Variants in NBEA observed in about 807,000 individuals in gnomAD.
The protein encoded by NBEA is neurobeachin.
In NBEA, 44 loss-of-function variants were observed where a neutral mutation model predicts 343.4. The ratio of observed to expected loss-of-function variants is 0.13; its 90% CI spans 0.10 to 0.16. NBEA has a LOEUF of 0.16. Ranked by LOEUF, NBEA falls within the 10% of genes least tolerant of loss-of-function variation. The pLI is 1.00. For missense variants in NBEA, 2,555 were observed against 3,631.3 expected (o/e 0.70, Z 7.62); for synonymous variants, 1,175 against 1,238.7 (o/e 0.95, Z 1.08).
At chr13:35,227,167 G>A (rs7325188) in intron 33 of NBEA, among the ~76,000 whole-genome samples, 7,574 of 151,500 alleles carry the variant, frequency 0.05, 226 homozygotes, top group South Asian at 0.079. Flanking sequence ...CATGTTTTCC[G>A]TAGCGGCCAC....
chr13:35,271,896 T>A (rs1488219681), intron 34 of NBEA, among the ~76,000 whole-genome samples: 1 of 152,128 alleles, frequency 6.6e-6, no homozygotes, highest in Non-Finnish European at 1.5e-5. Flanking sequence ...TATGTGAAAG[T>A]GACAGAAAGA....
intron 41 of NBEA, chr13:35,475,538 C>T (rs1170411759): frequency 1.9e-6 from 3 of 1,613,136 alleles, no homozygotes; most frequent in Middle Eastern, 1.6e-4. Context: ...TTGACCTCCG[C>T]CACCCGGTTG....
chr13:35,008,850 C>G (rs2061398503), intron 1 of NBEA, among the ~76,000 whole-genome samples: 2 of 152,090 alleles, frequency 1.3e-5, no homozygotes, highest in Admixed American at 6.6e-5. Flanking sequence ...TGCAACAATT[C>G]TTGGAAGTCT....
At chr13:35,463,881 T>A (rs1038845866) in intron 40 of NBEA, among the ~76,000 whole-genome samples, 1 of 151,354 alleles carries the variant, frequency 6.6e-6, no homozygotes, top group Non-Finnish European at 1.5e-5. Flanking sequence ...ATAGAGGGGG[T>A]AACTACCTCA....
At chr13:35,293,737 T>C (rs2035943231) in intron 35 of NBEA, among the ~76,000 whole-genome samples, 1 of 152,022 alleles carries the variant, frequency 6.6e-6, no homozygotes, top group Non-Finnish European at 1.5e-5. Context: ...TTAGGTGCTA[T>C]AATAGTTCCT....
chr13:35,113,585 T>TCATCTATCTATC (rs1566305487), intron 13 of NBEA, among the ~76,000 whole-genome samples: 1 of 99,714 alleles, frequency 1.0e-5, no homozygotes, highest in Non-Finnish European at 2.1e-5. Flanking sequence ...ACTCCTCCAC[T>TCATCTATCTATC]CATCTATCTA....
chr13:35,325,034 T>A (rs550908822), intron 36 of NBEA, among the ~76,000 whole-genome samples: 31 of 152,274 alleles, frequency 2.0e-4, no homozygotes, highest in African/African-American at 7.2e-4. Flanking sequence ...ATTTAAATAG[T>A]CAAAGTTTTC....
chr13:35,427,068 A>T (rs562758082), intron 38 of NBEA, among the ~76,000 whole-genome samples: 1 of 151,952 alleles, frequency 6.6e-6, no homozygotes. Context: ...CTTCTTTGCT[A>T]TTGGTTAGAA....
intron 1 of NBEA, among the ~76,000 whole-genome samples, chr13:34,945,212 G>T (rs2059151948): frequency 6.6e-6 from 1 of 152,134 alleles, no homozygotes; most frequent in African/African-American, 2.4e-5. Context: ...TTCTTTGTAT[G>T]TATTTAAAGA....
chr13:35,568,591 A>G (rs2080245431), intron 45 of NBEA, among the ~76,000 whole-genome samples: 2 of 152,154 alleles, frequency 1.3e-5, no homozygotes, highest in Admixed American at 1.3e-4. Context: ...AAAGTACAAT[A>G]TTTTAGAGAG....
At chr13:35,470,178 T>C (rs1412944559) in intron 40 of NBEA, among the ~76,000 whole-genome samples, 2 of 152,204 alleles carry the variant, frequency 1.3e-5, no homozygotes, top group Admixed American at 6.5e-5. Context: ...GAAAGACCAG[T>C]TCGAAGCCCT....
intron 34 of NBEA, among the ~76,000 whole-genome samples, chr13:35,288,938 T>A (rs1402241251): frequency 6.6e-6 from 1 of 151,980 alleles, no homozygotes; most frequent in Non-Finnish European, 1.5e-5. Context: ...AATTGTCTCG[T>A]AAATGAGCTT....
chr13:35,044,476 G>T (rs565858600), intron 2 of NBEA, among the ~76,000 whole-genome samples: 24 of 152,182 alleles, frequency 1.6e-4, no homozygotes, highest in African/African-American at 5.5e-4. Flanking sequence ...ATTAAGAATA[G>T]ATAATTCTGA....
intron 36 of NBEA, among the ~76,000 whole-genome samples, chr13:35,327,481 A>G (rs2038646320): frequency 6.6e-6 from 1 of 152,082 alleles, no homozygotes; most frequent in Admixed American, 6.6e-5. Context: ...TTGCAGCAAT[A>G]TCGATGTAGC....
At chr13:35,603,186 C>T (rs9544778) in intron 47 of NBEA, among the ~76,000 whole-genome samples, 33,209 of 151,808 alleles carry the variant, frequency 0.22, 3,814 homozygotes, top group African/African-American at 0.23. Context: ...TTTTTCTGAC[C>T]ATCTGTGTAT....
intron 1 of NBEA, among the ~76,000 whole-genome samples, chr13:35,024,598 T>G (rs1201410788): frequency 6.6e-6 from 1 of 152,136 alleles, no homozygotes; most frequent in Non-Finnish European, 1.5e-5. Flanking sequence ...GAGAATTATT[T>G]GAACCTGATA....
chr13:34,946,789 A>G (rs543111649), intron 1 of NBEA, among the ~76,000 whole-genome samples: 50 of 151,094 alleles, frequency 3.3e-4, no homozygotes, highest in Middle Eastern at 3.5e-3. Context: ...TGGTTTACCA[A>G]ATTTCTCTCA....
chr13:35,511,118 A>G (rs1375460405), intron 41 of NBEA, among the ~76,000 whole-genome samples: 1 of 152,196 alleles, frequency 6.6e-6, no homozygotes, highest in African/African-American at 2.4e-5. Context: ...AATATCAGCA[A>G]TCCCAAGTAA....
At position 35,665,065 on chromosome 13, in the gene NBEA, C is replaced by A. The variant is rs372462336; in HGVS notation, c.8363-20C>A. ...CCTGCTATTGGTCTGTAGTGCCTCA[C>A]TGCTGCTGTTTTCTTGCAGGTGACT... On this transcript the variant is annotated intron_variant, in intron 55 of 58. Transcript: ENST00000379939. 6.5e-7 allele frequency: 1 copy of A among 1,539,756 alleles called. No individual in the cohort carries two copies. Among genetic ancestry groups the A allele is most frequent in the Non-Finnish European group, 8.8e-7 (1 of 1,132,470 alleles).
Sources: gnomAD v4.1 joint callset for allele counts (sites outside exome capture counted in the v4.1 genomes callset) on GRCh38, gnomAD v4.1.1 for gene constraint, MANE v1.5 for transcripts, NCBI Gene and HGNC (gene_info 2026-07-23, HGNC 2026-07-21) for gene names.